The following ARMH3 variants were observed in gnomAD, a reference collection of about 807,000 sequenced individuals.
ARMH3 encodes the protein armadillo like helical domain containing 3.
ARMH3 carries 60 observed loss-of-function variants against 99.1 expected under a neutral mutation model. The observed-to-expected ratio is 0.61, with a 90% CI of 0.49 to 0.75. The LOEUF is 0.75. ARMH3 is among the 30% of genes least tolerant of loss of function. The pLI is 0.00. For synonymous variants in ARMH3, 285 were observed against 292.8 expected, an observed-to-expected ratio of 0.97 and a Z score of 0.27; for missense variants, 679 against 843.1, an observed-to-expected ratio of 0.81 and a Z score of 2.41.
chr10:101,889,962 G>A (rs1002748645), intron 23 of ARMH3, among the ~76,000 whole-genome samples: 5 of 151,912 alleles, frequency 3.3e-5, no homozygotes, highest in South Asian at 4.1e-4. Flanking sequence ...TTTTATATCC[G>A]GCCATTCAAC....
intron 5 of ARMH3, among the ~76,000 whole-genome samples, chr10:102,026,602 T>C (rs1276405311): frequency 6.6e-6 from 1 of 151,992 alleles, no homozygotes; most frequent in Non-Finnish European, 1.5e-5. Flanking sequence ...TGGTGTGGGG[T>C]TGGAATAAAA....
At chr10:101,966,096 TC>T (rs1845521970) in intron 20 of ARMH3, among the ~76,000 whole-genome samples, 1 of 150,630 alleles carries the variant, frequency 6.6e-6, no homozygotes, top group South Asian at 2.1e-4. Context: ...TTTTTCTTTT[TC>T]TTTTCTTTTT....
At chr10:101,968,167 C>A (rs1845618254) in intron 20 of ARMH3, among the ~76,000 whole-genome samples, 1 of 152,074 alleles carries the variant, frequency 6.6e-6, no homozygotes, top group African/African-American at 2.4e-5. Flanking sequence ...CATGAAAGTT[C>A]CCAGATCCTA....
intron 1 of ARMH3, among the ~76,000 whole-genome samples, chr10:102,041,908 A>G (rs1004645967): frequency 1.3e-5 from 2 of 152,200 alleles, no homozygotes; most frequent in African/African-American, 4.8e-5. Context: ...TCGGCCTCCC[A>G]AAGTGCTGGG....
At chr10:101,962,594 T>TCA (rs1166522835) in intron 20 of ARMH3, among the ~76,000 whole-genome samples, 2 of 152,242 alleles carry the variant, frequency 1.3e-5, no homozygotes, top group African/African-American at 4.8e-5. Context: ...TATATTCTTC[T>TCA]CACTGAATCC....
intron 24 of ARMH3, among the ~76,000 whole-genome samples, chr10:101,863,640 T>C (rs1263842124): frequency 6.6e-6 from 1 of 152,032 alleles, no homozygotes; most frequent in African/African-American, 2.4e-5. Flanking sequence ...TTTGAAAAAA[T>C]TGGTTGTGCA....
At chr10:102,005,614 A>T (rs960911330) in intron 14 of ARMH3, among the ~76,000 whole-genome samples, 3 of 152,206 alleles carry the variant, frequency 2.0e-5, no homozygotes, top group African/African-American at 7.2e-5. Context: ...GAAAGTATCA[A>T]AGTTGGATTG....
At chr10:101,964,127 C>T (rs956171342) in intron 20 of ARMH3, among the ~76,000 whole-genome samples, 2 of 152,178 alleles carry the variant, frequency 1.3e-5, no homozygotes, top group African/African-American at 4.8e-5. Context: ...CCGCCCACTT[C>T]GGCCTCCCAA....
At chr10:101,908,119 AC>A (rs1258031076) in intron 23 of ARMH3, among the ~76,000 whole-genome samples, 3 of 152,358 alleles carry the variant, frequency 2.0e-5, no homozygotes, top group Non-Finnish European at 4.4e-5. Flanking sequence ...AATGAAAAAA[AC>A]TAAAGTAGTT....
In ARMH3 at chr10:101,847,246, G is replaced by A; in HGVS notation, c.*282C>T. The A allele has an allele frequency of 2.7e-6, 1 of 365,778 alleles. No individual in the cohort carries two copies. Among genetic ancestry groups the A allele is most frequent in the Non-Finnish European group, 5.1e-6 (1 of 195,316 alleles). 22.7% of individuals were successfully genotyped at this position (365,778 alleles called of 1,614,324 possible). On this transcript the variant is annotated 3_prime_UTR_variant, in exon 26 of 26. Transcript: ENST00000370033. The stretch of plus-strand genomic sequence containing the variant: ...AGCTACAGCTTGTAACCTCAAGATT[G>A]GAAATGTGAGGGGCTGTTTAGGGAG...
At chr10:101,922,678 A>G (rs1843351041) in intron 23 of ARMH3, among the ~76,000 whole-genome samples, 1 of 152,204 alleles carries the variant, frequency 6.6e-6, no homozygotes, top group African/African-American at 2.4e-5. Flanking sequence ...ATTAGTTCAG[A>G]TTAATTGGGT....
chr10:101,961,172 A>G (rs996204935), intron 20 of ARMH3, among the ~76,000 whole-genome samples: 10 of 152,118 alleles, frequency 6.6e-5, no homozygotes, highest in African/African-American at 2.2e-4. Context: ...GGCAACACAA[A>G]AAGACTCCCA....
chr10:101,895,306 G>A (rs532086029), intron 23 of ARMH3, among the ~76,000 whole-genome samples: 20 of 146,978 alleles, frequency 1.4e-4, no homozygotes, highest in African/African-American at 3.3e-4. Flanking sequence ...TCGAGAGGGC[G>A]TCTCGCTCTG....
At chr10:101,875,382 A>C (rs770163593) in intron 24 of ARMH3, among the ~76,000 whole-genome samples, 1 of 152,156 alleles carries the variant, frequency 6.6e-6, no homozygotes, top group Non-Finnish European at 1.5e-5. Flanking sequence ...GGGTACAAAC[A>C]CTCAATATAA....
intron 14 of ARMH3, among the ~76,000 whole-genome samples, chr10:102,006,273 T>C (rs2066485534): frequency 6.6e-6 from 1 of 152,226 alleles, no homozygotes; most frequent in South Asian, 2.1e-4. Flanking sequence ...ATTACTGACC[T>C]TGCAGGTCTA....
At chr10:102,037,173 ATT>A (rs889750196) in intron 2 of ARMH3, among the ~76,000 whole-genome samples, 1 of 149,730 alleles carries the variant, frequency 6.7e-6, no homozygotes, top group Non-Finnish European at 1.5e-5. Context: ...TCTCTTCTGG[ATT>A]TTGTTTTCTT....
intron 1 of ARMH3, among the ~76,000 whole-genome samples, chr10:102,048,571 C>G (rs192336249): frequency 6.6e-6 from 1 of 152,216 alleles, no homozygotes; most frequent in African/African-American, 2.4e-5. Flanking sequence ...GGACTACAGG[C>G]GCATGCCACC....
intron 23 of ARMH3, among the ~76,000 whole-genome samples, chr10:101,921,131 C>A (rs1224268963): frequency 2.0e-5 from 3 of 152,144 alleles, no homozygotes; most frequent in Non-Finnish European, 4.4e-5. Context: ...TTTTATATTT[C>A]TTACCACAAT....
rs551069723 is a variant in ARMH3 at position 102,043,986 on chromosome 10, G to A, written c.-11-3861C>T. Among the ~76,000 whole-genome samples the A allele has an allele frequency of 3.6e-4, 55 of 151,696 alleles. No individual in the cohort carries two copies. In the Middle Eastern group the frequency reaches 0.01, roughly 28 times the overall value. On this transcript the variant is annotated intron_variant, in intron 1 of 25. Transcript: ENST00000370033. ...GGCTGGAGTGCAGTGGTGCAATCTC[G>A]GCTCACTGCAACCTCCGCCTCCTGG...
Sources: gnomAD v4.1 joint callset for allele counts (sites outside exome capture counted in the v4.1 genomes callset) on GRCh38, gnomAD v4.1.1 for gene constraint, MANE v1.5 for transcripts, NCBI Gene and HGNC (gene_info 2026-07-23, HGNC 2026-07-21) for gene names.